AMBRA1: variants seen among roughly 807,000 people sequenced by gnomAD.
The protein encoded by AMBRA1 is activating molecule in BECN1-regulated autophagy protein 1.
Under a neutral mutation model 125.4 loss-of-function variants are expected in AMBRA1, and 47 were observed. The ratio of observed to expected loss-of-function variants is 0.37; its 90% confidence interval spans 0.30 to 0.48. The LOEUF (loss-of-function observed/expected upper bound fraction) is 0.48. AMBRA1 is among the 20% of genes least tolerant of loss of function. The pLI, the probability that AMBRA1 is intolerant of heterozygous loss-of-function variation, is 0.99. For missense variants in AMBRA1, 1,331 were observed against 1,693.4 expected, an observed-to-expected ratio of 0.79 and a Z score of 3.76; for synonymous variants, 626 against 655.5, an observed-to-expected ratio of 0.95 and a Z score of 0.69.
rs545949617 is a variant in AMBRA1, at chr11:46,449,628, C to G, written c.2522-6030G>C. Among the ~76,000 whole-genome samples the G allele has an allele frequency of 7.9e-5, 12 of 152,282 alleles. No homozygotes were observed. In the East Asian group the frequency reaches 2.3e-3, roughly 29 times the overall value. On this transcript the variant is annotated intron_variant, in intron 11 of 17. Transcript: ENST00000683756. ...GCTGGATCTACAGATTCAACACAATCCCAATCAAAATCCTGAATTATTTTG... is the reference window on the plus strand; with the variant it reads ...GCTGGATCTACAGATTCAACACAATGCCAATCAAAATCCTGAATTATTTTG...
chr11:46,473,013 A>G (rs1047826532), intron 11 of AMBRA1, among the ~76,000 whole-genome samples: 1 of 152,244 alleles, frequency 6.6e-6, no homozygotes, highest in Non-Finnish European at 1.5e-5. Flanking sequence ...GTAAAGGTAT[A>G]TTTTACACAC....
chr11:46,575,382 G>A (rs1172101626), intron 1 of AMBRA1, among the ~76,000 whole-genome samples: 3 of 151,536 alleles, frequency 2.0e-5, no homozygotes, highest in African/African-American at 2.4e-5. Context: ...GCTTGAACCC[G>A]GAAGGTGGAG....
chr11:46,516,739 T>A (rs952892373), intron 7 of AMBRA1, among the ~76,000 whole-genome samples: 2 of 151,840 alleles, frequency 1.3e-5, no homozygotes, highest in African/African-American at 4.8e-5. Flanking sequence ...GGCCAAAAGA[T>A]CTTTCTTTCC....
chr11:46,447,866 T>G (rs1056347972), intron 11 of AMBRA1, among the ~76,000 whole-genome samples: 1 of 152,004 alleles, frequency 6.6e-6, no homozygotes, highest in African/African-American at 2.4e-5. Context: ...GCATCTACAG[T>G]TACAGCCTGG....
intron 1 of AMBRA1, among the ~76,000 whole-genome samples, chr11:46,558,571 A>C (rs1591119833): frequency 1.3e-5 from 2 of 151,174 alleles, no homozygotes; most frequent in Non-Finnish European, 1.5e-5. Context: ...AAAAAAAAAA[A>C]AAACCACTAC....
At chr11:46,543,668 T>C (rs984981929) in intron 6 of AMBRA1, among the ~76,000 whole-genome samples, 1 of 152,086 alleles carries the variant, frequency 6.6e-6, no homozygotes, top group African/African-American at 2.4e-5. Flanking sequence ...CCCCATGACA[T>C]GGAAGCAGTG....
chr11:46,454,919 G>A (rs1948785773), intron 11 of AMBRA1, among the ~76,000 whole-genome samples: 1 of 134,030 alleles, frequency 7.5e-6, no homozygotes, highest in Non-Finnish European at 1.6e-5. Context: ...TTGCTGTGAT[G>A]CCCAGGTTGG....
chr11:46,590,441 G>A (rs1003670393), intron 1 of AMBRA1, among the ~76,000 whole-genome samples: 10 of 151,384 alleles, frequency 6.6e-5, no homozygotes, highest in South Asian at 2.1e-4. Context: ...TCCAGCCTGA[G>A]CAACATAGGG....
At chr11:46,512,307 A>C (rs747632572) in intron 8 of AMBRA1, among the ~76,000 whole-genome samples, 5 of 152,222 alleles carry the variant, frequency 3.3e-5, no homozygotes, top group Non-Finnish European at 5.9e-5. Context: ...TTGATATTCT[A>C]AATTCCCTCT....
At position 46,408,333 on chromosome 11, in the gene AMBRA1, T is replaced by G. The variant is rs560396112; in HGVS notation, c.3403+180A>C. Among the ~76,000 whole-genome samples the G allele has an allele frequency of 9.8e-4, 149 of 152,202 alleles. 1 individual carries two copies. The highest frequency in any genetic ancestry group is 7.9e-4 in the Non-Finnish European group (54 of 67,992). On this transcript the variant is annotated intron_variant, in intron 17 of 17. Coordinates refer to ENST00000683756, the MANE Select transcript of AMBRA1 (RefSeq NM_001387011.1). The stretch of plus-strand genomic sequence containing the variant: ...GGACATCAGTGTACTTGGTGGGAGT[T>G]GAGGCGAGCTGCAAGAGTGACCCAG...
intron 12 of AMBRA1, among the ~76,000 whole-genome samples, chr11:46,436,159 G>A (rs889175540): frequency 2.0e-5 from 3 of 152,166 alleles, no homozygotes; most frequent in African/African-American, 2.4e-5. Flanking sequence ...AGCTGCCCTC[G>A]CCAGAGTCCA....
intron 11 of AMBRA1, among the ~76,000 whole-genome samples, chr11:46,459,694 G>A (rs945285604): frequency 6.7e-6 from 1 of 149,614 alleles, no homozygotes; most frequent in African/African-American, 2.5e-5. Context: ...CTGGGCAACA[G>A]AGCAAGACTC....
At position 46,397,728 on chromosome 11, in the gene AMBRA1, G is replaced by A; in HGVS notation, c.3619C>T (p.Gln1207Ter). The change falls in exon 18 of 18, where the codon CAG becomes TAG. Residue 1207 changes from glutamine (Q) to a stop codon, truncating the protein, a stop_gained. Transcript: ENST00000683756. LOFTEE classifies it high-confidence loss of function. Reference protein sequence around the residue: ...EPGAAHTSSPQPSTSRGLLPE... With the variant: ...EPGAAHTSSP Reference sequence around the variant, plus strand: ...AGCAGTCCCCGAGAGGTGGAGGGCTGGGGTGAGGAGGTGTGGGCGGCACCA... The same window carrying A: ...AGCAGTCCCCGAGAGGTGGAGGGCTAGGGTGAGGAGGTGTGGGCGGCACCA... The A allele has an allele frequency of 6.2e-7, 1 of 1,613,148 alleles. No homozygotes were observed. The highest frequency in any genetic ancestry group is 1.1e-5 in the South Asian group (1 of 91,068).
intron 7 of AMBRA1, among the ~76,000 whole-genome samples, chr11:46,535,176 T>C (rs1351945307): frequency 6.6e-6 from 1 of 152,246 alleles, no homozygotes; most frequent in Non-Finnish European, 1.5e-5. Flanking sequence ...TCTTTCCTAT[T>C]TGTCCTTAAA....
At chr11:46,494,225 A>G (rs1049649922) in intron 9 of AMBRA1, 21 bp from the exon 10 acceptor site, 4 of 1,572,100 alleles carry the variant, frequency 2.5e-6, no homozygotes, top group Non-Finnish European at 3.5e-6. Flanking sequence ...TAAAAACACT[A>G]CACATAAGAG....
chr11:46,522,912 A>T (rs752987230), intron 7 of AMBRA1, among the ~76,000 whole-genome samples: 4 of 152,200 alleles, frequency 2.6e-5, no homozygotes, highest in Non-Finnish European at 5.9e-5. Context: ...TGCAAACACT[A>T]TATAATAGGA....
chr11:46,527,170 TGC>T (rs1258900444), intron 7 of AMBRA1, among the ~76,000 whole-genome samples: 1 of 152,234 alleles, frequency 6.6e-6, no homozygotes, highest in Non-Finnish European at 1.5e-5. Context: ...AGGCTATTTG[TGC>T]TACCTCCCTT....
chr11:46,489,135 A>AT (rs1423456104), intron 11 of AMBRA1, among the ~76,000 whole-genome samples: 1 of 152,120 alleles, frequency 6.6e-6, no homozygotes, highest in Middle Eastern at 3.2e-3. Flanking sequence ...TTACATATGT[A>AT]TACATGTGCC....
chr11:46,514,882 C>G (rs1327577728), intron 7 of AMBRA1, among the ~76,000 whole-genome samples: 1 of 152,070 alleles, frequency 6.6e-6, no homozygotes, highest in Non-Finnish European at 1.5e-5. Flanking sequence ...GTGAGAGATA[C>G]AGAGTCTGGG....
Sources: gnomAD v4.1 joint callset for allele counts (sites outside exome capture counted in the v4.1 genomes callset) on GRCh38, gnomAD v4.1.1 for gene constraint, MANE v1.5 for transcripts, NCBI Gene and HGNC (gene_info 2026-07-23, HGNC 2026-07-21) for gene names.